SAMD4A: variants seen among roughly 807,000 people sequenced by gnomAD.
SAMD4A encodes the protein protein Smaug homolog 1.
A neutral mutation model predicts 81.3 loss-of-function variants in SAMD4A; 33 were observed. The ratio of observed to expected loss-of-function variants is 0.41; its 90% CI spans 0.31 to 0.54. The LOEUF is 0.54. Among genes scored for constraint, SAMD4A ranks in the 20% least tolerant of loss-of-function variants. The pLI is 0.37. For synonymous variants in SAMD4A, 389 were observed against 382.1 expected (o/e 1.02, Z -0.21); for missense variants, 854 against 951.1 (o/e 0.90, Z 1.34).
At chr14:54,669,934 T>TG (rs2035842362) in intron 2 of SAMD4A, among the ~76,000 whole-genome samples, 1 of 152,018 alleles carries the variant, frequency 6.6e-6, no homozygotes. Flanking sequence ...GATTCCCTTC[T>TG]GCCCCCCCAG....
chr14:54,787,691 G>A (rs2039175726), intron 12 of SAMD4A, among the ~76,000 whole-genome samples: 3 of 152,222 alleles, frequency 2.0e-5, no homozygotes, highest in South Asian at 2.1e-4. Context: ...CGCCTGTGAT[G>A]GCTAATCCAT....
chr14:54,663,231 A>C (rs2035683122), intron 2 of SAMD4A, among the ~76,000 whole-genome samples: 1 of 152,208 alleles, frequency 6.6e-6, no homozygotes, highest in African/African-American at 2.4e-5. Context: ...ACAGATGCAA[A>C]TGTTTCAAGG....
At chr14:54,714,910 A>G (rs1451503983) in intron 3 of SAMD4A, among the ~76,000 whole-genome samples, 2 of 152,172 alleles carry the variant, frequency 1.3e-5, no homozygotes, top group South Asian at 2.1e-4. Context: ...CACAAATACC[A>G]TTATTCCCTT....
intron 6 of SAMD4A, chr14:54,755,001 C>T (rs1193315362): frequency 3.8e-6 from 1 of 260,104 alleles, no homozygotes; most frequent in African/African-American, 2.3e-5. Flanking sequence ...GATGTCATCA[C>T]CATAGCAGGT....
At chr14:54,652,343 T>A (rs1039950101) in intron 2 of SAMD4A, among the ~76,000 whole-genome samples, 1 of 152,216 alleles carries the variant, frequency 6.6e-6, no homozygotes, top group African/African-American at 2.4e-5. Flanking sequence ...CCAGTGTCAT[T>A]TGGGATCTTC....
chr14:54,740,673 T>A (rs1456582302), intron 4 of SAMD4A, among the ~76,000 whole-genome samples: 1 of 152,170 alleles, frequency 6.6e-6, no homozygotes, highest in Non-Finnish European at 1.5e-5. Flanking sequence ...AATCTCATGG[T>A]CCAGCATTCT....
intron 9 of SAMD4A, 61 bp from the exon 10 acceptor site, chr14:54,774,873 G>A: frequency 6.5e-7 from 1 of 1,526,984 alleles, no homozygotes; most frequent in Non-Finnish European, 9.1e-7. Context: ...TGGGAAGCCT[G>A]TGGCTTAAAA....
At chr14:54,606,608 C>G (rs2034212962) in intron 2 of SAMD4A, among the ~76,000 whole-genome samples, 1 of 152,166 alleles carries the variant, frequency 6.6e-6, no homozygotes, top group South Asian at 2.1e-4. Context: ...ATCACCAGGT[C>G]TCACCATGTT....
At chr14:54,764,596 C>T in intron 8 of SAMD4A, 56 bp downstream of exon 8, 1 of 1,156,580 alleles carries the variant, frequency 8.6e-7, no homozygotes. Context: ...AGAAATGGTT[C>T]TCAGAGTTTC....
At chr14:54,726,093 A>AT (rs575990669) in intron 3 of SAMD4A, among the ~76,000 whole-genome samples, 38 of 151,902 alleles carry the variant, frequency 2.5e-4, no homozygotes, top group Non-Finnish European at 4.6e-4. Context: ...CTAGAATGCA[A>AT]TTTTTTACCA....
chr14:54,676,673 G>C (rs536831854), intron 2 of SAMD4A, among the ~76,000 whole-genome samples: 1 of 152,332 alleles, frequency 6.6e-6, no homozygotes, highest in African/African-American at 2.4e-5. Flanking sequence ...GTGAACCACT[G>C]TGCCTATTCT....
At chr14:54,620,285 G>A (rs1445945101) in intron 2 of SAMD4A, among the ~76,000 whole-genome samples, 2 of 152,104 alleles carry the variant, frequency 1.3e-5, no homozygotes, top group Non-Finnish European at 2.9e-5. Context: ...TTGTTTTGAG[G>A]ATTAAAAGAA....
At chr14:54,601,839 A>G (rs530531788) in intron 2 of SAMD4A, among the ~76,000 whole-genome samples, 1 of 152,320 alleles carries the variant, frequency 6.6e-6, no homozygotes, top group South Asian at 2.1e-4. Flanking sequence ...CTCTTACATC[A>G]CTATCCTAAG....
At chr14:54,713,761 G>A (rs2140821413) in intron 3 of SAMD4A, among the ~76,000 whole-genome samples, 1 of 144,458 alleles carries the variant, frequency 6.9e-6, no homozygotes, top group East Asian at 2.1e-4. Context: ...GCTATATAAA[G>A]GGAATTAATT....
intron 2 of SAMD4A, among the ~76,000 whole-genome samples, chr14:54,591,578 C>T (rs1285001183): frequency 6.6e-6 from 1 of 151,160 alleles, no homozygotes; most frequent in African/African-American, 2.4e-5. Context: ...GAGTTGTTTC[C>T]CATGTTGGCA....
At chr14:54,715,402 G>C (rs75622238) in intron 3 of SAMD4A, among the ~76,000 whole-genome samples, 200 of 152,218 alleles carry the variant, frequency 1.3e-3, no homozygotes, top group African/African-American at 4.3e-3. Flanking sequence ...TGGGCTGGGT[G>C]GGGGAGGAGA....
At chr14:54,568,202 T>C in intron 2 of SAMD4A, 90 bp downstream of exon 2, 1 of 1,208,722 alleles carries the variant, frequency 8.3e-7, no homozygotes, top group South Asian at 1.8e-5. Flanking sequence ...CCGAGGCCAG[T>C]CCCTGCCAGC....
intron 2 of SAMD4A, among the ~76,000 whole-genome samples, chr14:54,579,051 C>G (rs2033390370): frequency 6.6e-6 from 1 of 152,182 alleles, no homozygotes. Flanking sequence ...CCGTGTAGTT[C>G]TAAAAATGAC....
At chr14:54,662,812 C>T (rs2035673075) in intron 2 of SAMD4A, among the ~76,000 whole-genome samples, 1 of 152,090 alleles carries the variant, frequency 6.6e-6, no homozygotes, top group African/African-American at 2.4e-5. Flanking sequence ...TGCTATGGCC[C>T]TGCGATTCCT....
Sources: gnomAD v4.1 joint callset for allele counts (sites outside exome capture counted in the v4.1 genomes callset) on GRCh38, gnomAD v4.1.1 for gene constraint, MANE v1.5 for transcripts, NCBI Gene and HGNC (gene_info 2026-07-23, HGNC 2026-07-21) for gene names.